The following KCNN2 variants were observed in gnomAD, a reference collection of about 807,000 sequenced individuals.
KCNN2 encodes the protein small conductance calcium-activated potassium channel protein 2.
KCNN2 carries 24 observed loss-of-function variants against 55.5 expected under a neutral mutation model. The ratio of observed to expected loss-of-function variants is 0.43; its 90% CI spans 0.31 to 0.61. KCNN2 has a LOEUF of 0.61. Ranked by LOEUF, KCNN2 falls within the 20% of genes least tolerant of loss-of-function variation. KCNN2 has a pLI of 0.08. For missense variants in KCNN2, 754 were observed against 853.6 expected, an observed-to-expected ratio of 0.88 and a Z score of 1.45; for synonymous variants, 431 against 336.1, an observed-to-expected ratio of 1.28 and a Z score of -3.09.
At chr5:114,236,600 C>T (rs1309122138) in intron 2 of KCNN2, among the ~76,000 whole-genome samples, 1 of 152,162 alleles carries the variant, frequency 6.6e-6, no homozygotes, top group East Asian at 1.9e-4. Flanking sequence ...TAATGACTGA[C>T]ATTAGGCCAT....
chr5:114,478,064 C>A (rs1032190087), intron 5 of KCNN2, among the ~76,000 whole-genome samples: 5 of 152,104 alleles, frequency 3.3e-5, no homozygotes, highest in Non-Finnish European at 5.9e-5. Context: ...TTCACCCAGG[C>A]CTCATACACC....
At chr5:114,437,885 C>G (rs957254077) in intron 3 of KCNN2, among the ~76,000 whole-genome samples, 1 of 151,884 alleles carries the variant, frequency 6.6e-6, no homozygotes, top group Non-Finnish European at 1.5e-5. Context: ...TCTAAACTTT[C>G]TTTCTTAGTT....
At chr5:114,159,200 T>A (rs1458368344) in intron 1 of KCNN2, among the ~76,000 whole-genome samples, 1 of 152,034 alleles carries the variant, frequency 6.6e-6, no homozygotes, top group African/African-American at 2.4e-5. Flanking sequence ...TTATTGAGAG[T>A]TTTTAGCATG....
intron 2 of KCNN2, among the ~76,000 whole-genome samples, chr5:114,251,227 C>T (rs2112626495): frequency 6.6e-6 from 1 of 152,310 alleles, no homozygotes; most frequent in South Asian, 2.1e-4. Context: ...CAGCCTGCTT[C>T]TCCCATTGTT....
At chr5:114,284,640 C>T (rs1459978442) in intron 2 of KCNN2, among the ~76,000 whole-genome samples, 2 of 151,968 alleles carry the variant, frequency 1.3e-5, no homozygotes, top group Non-Finnish European at 2.9e-5. Context: ...GCCTCAGCCT[C>T]CCCAGTAGCT....
chr5:114,058,838 C>T (rs537882235), intron 1 of KCNN2, among the ~76,000 whole-genome samples: 2 of 152,064 alleles, frequency 1.3e-5, no homozygotes, highest in Non-Finnish European at 1.5e-5. Flanking sequence ...ACTGGACTAT[C>T]GGAGGGGCAT....
At chr5:114,229,219 A>G (rs1252454213) in intron 2 of KCNN2, among the ~76,000 whole-genome samples, 1 of 151,672 alleles carries the variant, frequency 6.6e-6, no homozygotes, top group Non-Finnish European at 1.5e-5. Context: ...CTGGAATTTT[A>G]ATTTCTGGAA....
rs542140239 is a variant in KCNN2, at chr5:114,169,021, T to C, written c.-270-52459T>C. ...GTGAGTGAGTTCTCACAAGATCTGG[T>C]TGTTTGAAAGTGTGTAGCATTTCCC... On this transcript the variant is annotated intron_variant, in intron 1 of 10. Coordinates refer to the KCNN2 transcript ENST00000512097. Among the ~76,000 whole-genome samples, 272 of 152,196 alleles carry C rather than the reference T, an allele frequency of 1.8e-3. 1 individual carries two copies. The highest frequency in any genetic ancestry group is 6.3e-3 in the African/African-American group (260 of 41,544).
At chr5:114,406,911 C>T (rs1046006382) in intron 3 of KCNN2, among the ~76,000 whole-genome samples, 1 of 152,138 alleles carries the variant, frequency 6.6e-6, no homozygotes, top group Non-Finnish European at 1.5e-5. Flanking sequence ...AGTCTTCTCT[C>T]ATGCTTAACT....
intron 3 of KCNN2, among the ~76,000 whole-genome samples, chr5:114,453,283 T>G (rs533005442): frequency 6.6e-6 from 1 of 152,296 alleles, no homozygotes; most frequent in African/African-American, 2.4e-5. Context: ...TGCCAGATTT[T>G]TCATCCCTCC....
chr5:114,322,703 A>G (rs1756636160), intron 2 of KCNN2, among the ~76,000 whole-genome samples: 1 of 152,188 alleles, frequency 6.6e-6, no homozygotes, highest in Admixed American at 6.5e-5. Context: ...ACTGATCTCA[A>G]TGAACCTTTG....
intron 1 of KCNN2, among the ~76,000 whole-genome samples, chr5:114,081,875 G>C (rs1397233725): frequency 6.6e-6 from 1 of 152,058 alleles, no homozygotes; most frequent in South Asian, 2.1e-4. Flanking sequence ...TTCTAATAAA[G>C]GATTGATATC....
intron 1 of KCNN2, among the ~76,000 whole-genome samples, chr5:114,206,998 A>G (rs548491519): frequency 6.6e-6 from 1 of 152,250 alleles, no homozygotes; most frequent in African/African-American, 2.4e-5. Context: ...TGTGCCCCCT[A>G]CAAAGGACTT....
intron 5 of KCNN2, chr5:114,486,758 AT>A: frequency 3.1e-6 from 4 of 1,303,440 alleles, no homozygotes; most frequent in Non-Finnish European, 4.0e-6. Flanking sequence ...ACACCCCTTG[AT>A]TAAAAAAAAA....
intron 3 of KCNN2, among the ~76,000 whole-genome samples, chr5:114,420,678 A>G (rs139871512): frequency 4.6e-5 from 7 of 152,374 alleles, no homozygotes; most frequent in South Asian, 2.1e-4. Flanking sequence ...ATCAGAGACA[A>G]TGCCATGGTT....
At position 114,451,692 on chromosome 5, in the gene KCNN2, C is replaced by G. The variant is rs191065658; in HGVS notation, c.1638-11357C>G. Among the ~76,000 whole-genome samples the G allele has an allele frequency of 9.0e-3, 1,374 of 152,070 alleles. 24 individuals are homozygous for G. The highest frequency in any genetic ancestry group is 0.031 in the African/African-American group (1,280 of 41,476). Reference sequence around the variant, plus strand: ...CGGGCGGATTATGAGGTCAGGAGATCAAGACCATCCTGCCTAACATGGTGA... The same window carrying G: ...CGGGCGGATTATGAGGTCAGGAGATGAAGACCATCCTGCCTAACATGGTGA... On this transcript the variant is annotated intron_variant, in intron 3 of 7. Transcript: ENST00000673685.
At chr5:114,112,457 C>T (rs1333532541) in intron 1 of KCNN2, among the ~76,000 whole-genome samples, 1 of 152,046 alleles carries the variant, frequency 6.6e-6, no homozygotes, top group Non-Finnish European at 1.5e-5. Context: ...TGCACATGTA[C>T]CATAGAACCA....
At chr5:114,295,273 TTTTG>T (rs886433969) in intron 2 of KCNN2, among the ~76,000 whole-genome samples, 2 of 152,164 alleles carry the variant, frequency 1.3e-5, no homozygotes, top group African/African-American at 4.8e-5. Context: ...ACTGCTGTCT[TTTTG>T]TTTGTCTGTG....
At chr5:114,215,681 ACACCTGCCTCT>A (rs1753986851) in intron 1 of KCNN2, among the ~76,000 whole-genome samples, 1 of 152,122 alleles carries the variant, frequency 6.6e-6, no homozygotes, top group Non-Finnish European at 1.5e-5. Flanking sequence ...TACTCCCTGG[ACACCTGCCTCT>A]GGGAAGAGAC....
Sources: gnomAD v4.1 joint callset for allele counts (sites outside exome capture counted in the v4.1 genomes callset) on GRCh38, gnomAD v4.1.1 for gene constraint, MANE v1.5 for transcripts, NCBI Gene and HGNC (gene_info 2026-07-23, HGNC 2026-07-21) for gene names.